Variants in CSMD1 observed in about 807,000 individuals in gnomAD.
CSMD1 encodes CUB and sushi domain-containing protein 1.
In CSMD1, 213 loss-of-function variants were observed where a neutral mutation model predicts 417.5. The observed-to-expected ratio is 0.51, with a 90% CI of 0.46 to 0.57. The LOEUF is 0.57. Among genes scored for constraint, CSMD1 ranks in the 20% least tolerant of loss-of-function variants. The pLI, the probability that CSMD1 is intolerant of heterozygous loss-of-function variation, is 0.00. For missense variants in CSMD1, 6,923 were observed against 4,529.7 expected (o/e 1.53, Z -15.17); for synonymous variants, 2,862 against 1,736.8 (o/e 1.65, Z -16.11).
At chr8:4,160,965 T>C (rs181059000) in intron 3 of CSMD1, among the ~76,000 whole-genome samples, 4 of 152,352 alleles carry the variant, frequency 2.6e-5, no homozygotes, top group African/African-American at 9.6e-5. Flanking sequence ...TATCAGTTGA[T>C]ATAAAAATTG....
chr8:4,184,258 C>G (rs1003104177), intron 3 of CSMD1, among the ~76,000 whole-genome samples: 1 of 152,156 alleles, frequency 6.6e-6, no homozygotes, highest in South Asian at 2.1e-4. Flanking sequence ...TTCAGCACAG[C>G]CCATATGCTC....
At chr8:4,936,684 T>C (rs918764521) in intron 1 of CSMD1, among the ~76,000 whole-genome samples, 19 of 152,342 alleles carry the variant, frequency 1.2e-4, no homozygotes, top group African/African-American at 4.6e-4. Flanking sequence ...TGTCTATGAC[T>C]AGTAAATATT....
chr8:4,159,282 T>G (rs1797012573), intron 3 of CSMD1, among the ~76,000 whole-genome samples: 1 of 152,234 alleles, frequency 6.6e-6, no homozygotes, highest in Non-Finnish European at 1.5e-5. Context: ...AGTGTAAGTT[T>G]AATTTATACC....
At chr8:3,820,245 C>A (rs552611292) in intron 5 of CSMD1, among the ~76,000 whole-genome samples, 1 of 152,114 alleles carries the variant, frequency 6.6e-6, no homozygotes, top group Admixed American at 6.5e-5. Flanking sequence ...ACACACTTCC[C>A]AGACCATGTG....
chr8:3,322,328 T>G (rs2117484993), intron 23 of CSMD1, among the ~76,000 whole-genome samples: 1 of 152,348 alleles, frequency 6.6e-6, no homozygotes, highest in Non-Finnish European at 1.5e-5. Flanking sequence ...CATTTTACAG[T>G]ATTAGTTAAA....
intron 10 of CSMD1, among the ~76,000 whole-genome samples, chr8:3,496,734 G>A (rs1038134670): frequency 6.6e-6 from 1 of 152,234 alleles, no homozygotes; most frequent in East Asian, 1.9e-4. Context: ...GCTGAGGCAG[G>A]AGAATCACTT....
intron 26 of CSMD1, among the ~76,000 whole-genome samples, chr8:3,266,254 G>A (rs894586029): frequency 1.3e-5 from 2 of 151,102 alleles, no homozygotes; most frequent in East Asian, 2.0e-4. Flanking sequence ...AAACCTAGAC[G>A]AAAGAGGGTT....
intron 42 of CSMD1, 141 bp from the exon 43 acceptor site, chr8:3,110,476 G>A (rs1344929908): frequency 1.5e-6 from 1 of 649,290 alleles, no homozygotes; most frequent in Non-Finnish European, 2.4e-6. Context: ...TCACCATTTT[G>A]TCAAAATTAC....
intron 5 of CSMD1, among the ~76,000 whole-genome samples, chr8:3,779,986 T>C (rs760811888): frequency 1.3e-5 from 2 of 152,202 alleles, no homozygotes; most frequent in South Asian, 4.1e-4. Flanking sequence ...GAATGTGAAC[T>C]TCCAAGCTCC....
chr8:4,960,364 C>G (rs933149314), intron 1 of CSMD1, among the ~76,000 whole-genome samples: 2 of 152,162 alleles, frequency 1.3e-5, no homozygotes, highest in African/African-American at 4.8e-5. Context: ...AGAAATATCA[C>G]TATGATGATG....
intron 1 of CSMD1, among the ~76,000 whole-genome samples, chr8:4,989,479 T>G (rs534001690): frequency 6.6e-6 from 1 of 152,314 alleles, no homozygotes; most frequent in Admixed American, 6.5e-5. Flanking sequence ...TACACAAGTA[T>G]CTTCCTCTGA....
chr8:3,401,628 A>G (rs1232639802), intron 15 of CSMD1, among the ~76,000 whole-genome samples: 1 of 152,230 alleles, frequency 6.6e-6, no homozygotes, highest in African/African-American at 2.4e-5. Context: ...TACAGTTGGA[A>G]GTGAATTTCT....
chr8:4,939,772 T>G (rs1467281802), intron 1 of CSMD1, among the ~76,000 whole-genome samples: 1 of 152,120 alleles, frequency 6.6e-6, no homozygotes, highest in Non-Finnish European at 1.5e-5. Flanking sequence ...ACTGCCTACT[T>G]GAAAACTGTT....
At chr8:4,420,931 A>T (rs77549039) in intron 2 of CSMD1, among the ~76,000 whole-genome samples, 1 of 152,102 alleles carries the variant, frequency 6.6e-6, no homozygotes, top group Non-Finnish European at 1.5e-5. Context: ...CTTTTGGTTT[A>T]TCACCTTTCT....
chr8:4,097,592 G>C (rs909182194), intron 3 of CSMD1, among the ~76,000 whole-genome samples: 1 of 152,196 alleles, frequency 6.6e-6, no homozygotes, highest in Non-Finnish European at 1.5e-5. Flanking sequence ...GTAACACCCA[G>C]ATTGATTAGC....
intron 5 of CSMD1, among the ~76,000 whole-genome samples, chr8:3,912,214 T>A (rs771708565): frequency 6.6e-6 from 1 of 152,234 alleles, no homozygotes; most frequent in African/African-American, 2.4e-5. Context: ...CTAACTCTGA[T>A]TCGACATACT....
intron 1 of CSMD1, among the ~76,000 whole-genome samples, chr8:4,801,086 A>G (rs900848249): frequency 6.6e-6 from 1 of 152,202 alleles, no homozygotes; most frequent in Non-Finnish European, 1.5e-5. Flanking sequence ...TGAAATGATA[A>G]ATTCATGAGC....
In CSMD1 at chr8:4,017,733, G is replaced by A. The variant is rs545178155; in HGVS notation, c.610+14172C>T. ...TTGACTTTGTGCCTCGGCATTGTGT[G>A]TGCATGGTACAAATGCTGAAACTTC... On this transcript the variant is annotated intron_variant, in intron 4 of 69. Transcript: ENST00000635120. Among the ~76,000 whole-genome samples the A allele has an allele frequency of 3.3e-5, 5 of 152,210 alleles. No individual in the cohort carries two copies. The East Asian group carries it at 9.6e-4, about 29-fold the overall frequency.
At chr8:3,560,087 A>T (rs954587371) in intron 10 of CSMD1, among the ~76,000 whole-genome samples, 1 of 152,128 alleles carries the variant, frequency 6.6e-6, no homozygotes, top group African/African-American at 2.4e-5. Flanking sequence ...ACTAGAAAAG[A>T]CACCCAGAGA....
Sources: allele counts gnomAD v4.1 joint callset (sites outside exome capture counted in the v4.1 genomes callset), GRCh38; gene constraint gnomAD v4.1.1; transcripts MANE v1.5; gene names NCBI Gene and HGNC (gene_info 2026-07-23, HGNC 2026-07-21).